The following IL17RD variants were observed in gnomAD, a reference collection of about 807,000 sequenced individuals.
IL17RD encodes interleukin-17 receptor D.
Under a neutral mutation model 80.5 loss-of-function variants are expected in IL17RD, and 52 were observed. The ratio of observed to expected loss-of-function variants is 0.65; its 90% confidence interval spans 0.52 to 0.81. The LOEUF (loss-of-function observed/expected upper bound fraction) is 0.81, where lower values mean the gene tolerates loss of function less well. IL17RD is among the 40% of genes least tolerant of loss of function. The pLI, the probability that IL17RD is intolerant of heterozygous loss-of-function variation, is 0.00. For synonymous variants in IL17RD, 416 were observed against 391.8 expected (o/e 1.06, Z -0.73); for missense variants, 1,024 against 955.1 (o/e 1.07, Z -0.95).
At chr3:57,145,364 C>G (rs1344790151) in intron 1 of IL17RD, among the ~76,000 whole-genome samples, 1 of 152,186 alleles carries the variant, frequency 6.6e-6, no homozygotes, top group Non-Finnish European at 1.5e-5. Context: ...GCTGGGTGAT[C>G]ACACATGAAA....
chr3:57,165,197 G>T lies in IL17RD; in HGVS notation c.90C>A (p.Ser30=). The T allele has an allele frequency of 6.5e-7, 1 of 1,528,834 alleles. No homozygotes were observed. Among genetic ancestry groups the T allele is most frequent in the Non-Finnish European group, 8.8e-7 (1 of 1,138,996 alleles). 94.7% of individuals were successfully genotyped at this position (1,528,834 alleles called of 1,614,324 possible). ...GSQLAVAAGG[S]GRARGADTCG... is the part of the protein sequence containing the mutation. The stretch of plus-strand genomic sequence containing the variant: ...AGGTGTCGGCGCCCCGCGCGCGGCC[G>T]GACCCGCCAGCGGCCACAGCCAGCT... The change falls in exon 1 of 13, where the codon TCC becomes TCA. Residue 30 remains serine (S), a synonymous_variant. Coordinates refer to ENST00000296318, the MANE Select transcript of IL17RD (RefSeq NM_017563.5).
chr3:57,121,600 C>T, intron 1 of IL17RD, among the ~76,000 whole-genome samples: 1 of 152,304 alleles, frequency 6.6e-6, no homozygotes, highest in East Asian at 1.9e-4. Flanking sequence ...CTCCAGCTTT[C>T]CTCCTTCTAG....
chr3:57,142,049 C>T (rs13083586), intron 1 of IL17RD, among the ~76,000 whole-genome samples: 29,204 of 152,096 alleles, frequency 0.19, 3,292 homozygotes, highest in Non-Finnish European at 0.26. Context: ...AAAAGGGACA[C>T]ACGGAGCCTT....
chr3:57,161,786 A>G (rs1164688764), intron 1 of IL17RD, among the ~76,000 whole-genome samples: 1 of 152,264 alleles, frequency 6.6e-6, no homozygotes, highest in East Asian at 1.9e-4. Flanking sequence ...ACTTGCTTCT[A>G]GTTGCAAACA....
intron 1 of IL17RD, among the ~76,000 whole-genome samples, chr3:57,131,475 A>G (rs981031314): frequency 2.6e-5 from 4 of 152,202 alleles, no homozygotes; most frequent in Non-Finnish European, 5.9e-5. Context: ...CACTCTGTTC[A>G]TGTGTTCATG....
intron 1 of IL17RD, among the ~76,000 whole-genome samples, chr3:57,136,380 C>A (rs1707725086): frequency 6.6e-6 from 1 of 152,178 alleles, no homozygotes; most frequent in Non-Finnish European, 1.5e-5. Flanking sequence ...CACCTGTAAT[C>A]CCAGCATTTT....
At chr3:57,165,023 G>A (rs896919076) in intron 1 of IL17RD, 138 bp downstream of exon 1, 2 of 1,345,532 alleles carry the variant, frequency 1.5e-6, no homozygotes, top group South Asian at 1.8e-5. Flanking sequence ...GGATGCGCGG[G>A]AGGAGTGAGA....
chr3:57,126,597 T>C (rs1467781453), intron 1 of IL17RD, among the ~76,000 whole-genome samples: 1 of 152,164 alleles, frequency 6.6e-6, no homozygotes, highest in Non-Finnish European at 1.5e-5. Flanking sequence ...TTCTAAGCCA[T>C]TTGAAGACAC....
intron 1 of IL17RD, among the ~76,000 whole-genome samples, chr3:57,121,914 C>T (rs755918187): frequency 7.9e-5 from 12 of 152,166 alleles, no homozygotes; most frequent in Non-Finnish European, 1.3e-4. Context: ...TATTAGGAGC[C>T]AGACATTATG....
intron 4 of IL17RD, among the ~76,000 whole-genome samples, 158 bp downstream of exon 4, chr3:57,110,035 G>C (rs546693141): frequency 5.5e-5 from 8 of 144,514 alleles, no homozygotes; most frequent in Admixed American, 5.4e-4. Flanking sequence ...CTGGGAGCGT[G>C]GAGCAGGCTC....
chr3:57,106,726 C>T (rs144380913), intron 5 of IL17RD, among the ~76,000 whole-genome samples: 20 of 152,248 alleles, frequency 1.3e-4, no homozygotes, highest in South Asian at 2.1e-4. Flanking sequence ...AGAATCTAAA[C>T]GCAATAAAAA....
chr3:57,113,461 T>C (rs1229197730), intron 3 of IL17RD, among the ~76,000 whole-genome samples: 2 of 152,140 alleles, frequency 1.3e-5, no homozygotes, highest in Non-Finnish European at 2.9e-5. Context: ...AGTCTCAAAC[T>C]CCTGACCTCA....
At chr3:57,157,010 C>A (rs1184631588) in intron 1 of IL17RD, among the ~76,000 whole-genome samples, 3 of 152,168 alleles carry the variant, frequency 2.0e-5, no homozygotes, top group Non-Finnish European at 4.4e-5. Context: ...GACACATTCT[C>A]ATGAAATCTG....
chr3:57,136,641 C>CAAAA (rs59941543), intron 1 of IL17RD, among the ~76,000 whole-genome samples: 12 of 48,090 alleles, frequency 2.5e-4, no homozygotes, highest in East Asian at 5.3e-4. Context: ...AACCCCCACT[C>CAAAA]AAAAAAAAAA....
chr3:57,105,552 A>AAATATATAT, intron 7 of IL17RD, among the ~76,000 whole-genome samples: 10 of 63,590 alleles, frequency 1.6e-4, no homozygotes, highest in South Asian at 6.2e-4. Context: ...AAAAAAAAAA[A>AAATATATAT]ATATATATAT....
In IL17RD at chr3:57,098,556, C is replaced by A; in HGVS notation, c.1165-18G>T. On this transcript the variant is annotated intron_variant, in intron 11 of 12. Coordinates refer to ENST00000296318, the MANE Select transcript of IL17RD (RefSeq NM_017563.5). ...AGAGCCACCTGGAAAGAGAACAAGG[C>A]ACCTCACCCATACAGAAGGCTCGGG... The A allele has an allele frequency of 6.5e-7, 1 of 1,534,706 alleles. No homozygotes were observed. The highest frequency in any genetic ancestry group is 8.9e-7 in the Non-Finnish European group (1 of 1,129,464).
intron 1 of IL17RD, among the ~76,000 whole-genome samples, chr3:57,127,287 T>A (rs1235319561): frequency 3.8e-5 from 3 of 79,116 alleles, no homozygotes; most frequent in Non-Finnish European, 4.5e-5. Flanking sequence ...TATATATAAA[T>A]ATATATAAAT....
intron 1 of IL17RD, among the ~76,000 whole-genome samples, chr3:57,127,395 A>AATAAATAAAT (rs1553625675): frequency 4.6e-5 from 4 of 86,640 alleles, no homozygotes; most frequent in African/African-American, 2.2e-4. Context: ...TAAATAAATA[A>AATAAATAAAT]ATATATATAT....
At chr3:57,139,955 C>T (rs568787368) in intron 1 of IL17RD, among the ~76,000 whole-genome samples, 1 of 152,112 alleles carries the variant, frequency 6.6e-6, no homozygotes, top group South Asian at 2.1e-4. Flanking sequence ...AAATAGAAAA[C>T]ATATTATTAG....
Sources: gnomAD v4.1 joint callset for allele counts (sites outside exome capture counted in the v4.1 genomes callset) on GRCh38, gnomAD v4.1.1 for gene constraint, MANE v1.5 for transcripts, NCBI Gene and HGNC (gene_info 2026-07-23, HGNC 2026-07-21) for gene names.